The following ATP6V0D2 variants were observed in gnomAD, a reference collection of about 807,000 sequenced individuals.
ATP6V0D2 encodes the protein ATPase H+ transporting V0 subunit d2.
A neutral mutation model predicts 40.0 loss-of-function variants in ATP6V0D2; 40 were observed. That is an observed-to-expected ratio of 1.00 (90% CI 0.78 to 1.30). ATP6V0D2 has a LOEUF of 1.30. ATP6V0D2 is among the 50% of genes most tolerant of loss of function. The pLI is 0.00. For missense variants in ATP6V0D2, 470 were observed against 423.1 expected (o/e 1.11, Z -0.97); for synonymous variants, 179 against 156.3 (o/e 1.15, Z -1.08).
At chr8:86,116,507 ACAT>A (rs1818593264) in intron 2 of ATP6V0D2, among the ~76,000 whole-genome samples, 1 of 152,148 alleles carries the variant, frequency 6.6e-6, no homozygotes. Flanking sequence ...TGCCTGGAAA[ACAT>A]CATACTTTTT....
intron 1 of ATP6V0D2, among the ~76,000 whole-genome samples, chr8:86,111,996 T>C (rs920228883): frequency 2.0e-5 from 3 of 152,168 alleles, no homozygotes; most frequent in Non-Finnish European, 4.4e-5. Context: ...GGGTCTCCTG[T>C]AGTTGGCAGC....
intron 5 of ATP6V0D2, among the ~76,000 whole-genome samples, chr8:86,148,306 C>T (rs917272278): frequency 6.6e-6 from 1 of 152,152 alleles, no homozygotes; most frequent in African/African-American, 2.4e-5. Context: ...GACAGCTGCC[C>T]TTGCTTCCAC....
intron 2 of ATP6V0D2, among the ~76,000 whole-genome samples, chr8:86,129,832 C>T (rs1218055659): frequency 1.3e-5 from 2 of 149,836 alleles, no homozygotes; most frequent in East Asian, 3.9e-4. Context: ...AAAAAATTGA[C>T]CAGGCATGAT....
chr8:86,131,547 C>G (rs1818825578), intron 2 of ATP6V0D2, among the ~76,000 whole-genome samples: 1 of 151,922 alleles, frequency 6.6e-6, no homozygotes, highest in South Asian at 2.1e-4. Context: ...GTTGCCCAGG[C>G]TGGAGTGCAG....
At chr8:86,146,876 A>G (rs2129641385) in intron 5 of ATP6V0D2, among the ~76,000 whole-genome samples, 1 of 152,262 alleles carries the variant, frequency 6.6e-6, no homozygotes, top group East Asian at 1.9e-4. Context: ...CTTACTGTTT[A>G]TAGGTTCCAT....
intron 2 of ATP6V0D2, among the ~76,000 whole-genome samples, chr8:86,133,316 C>A (rs368256951): frequency 3.9e-5 from 3 of 77,292 alleles, no homozygotes; most frequent in East Asian, 4.5e-4. Context: ...AACAGAAAGT[C>A]TTTTTTTTTT....
Position 86,113,781 on chromosome 8 carries a change from C to T in ATP6V0D2, c.203C>T (p.Ser68Phe). ...LANHTNPLTV[S>F]KIDTEMRKRL... ...AATCACACAAATCCTCTTACTGTTT[C>T]CAAAATTGACACTGAGATGAGGAAA... Residue 68 changes from serine (S) to phenylalanine (F), a missense_variant, in exon 2 of 8, where the codon TCC (serine) becomes TTC (phenylalanine). Transcript: ENST00000285393. 6.2e-7 allele frequency: 1 copy of T among 1,613,822 alleles called. No individual in the cohort carries two copies. Among genetic ancestry groups the T allele is most frequent in the Non-Finnish European group, 8.5e-7 (1 of 1,179,836 alleles).
At chr8:86,131,360 C>T (rs1245168660) in intron 2 of ATP6V0D2, among the ~76,000 whole-genome samples, 1 of 151,788 alleles carries the variant, frequency 6.6e-6, no homozygotes, top group Non-Finnish European at 1.5e-5. Flanking sequence ...CCAACACGCT[C>T]AGCTAATTTT....
At position 86,150,092 on chromosome 8, in the gene ATP6V0D2, G is replaced by A; in HGVS notation, c.640-20G>A. The A allele has an allele frequency of 1.2e-6, 2 of 1,605,608 alleles. No homozygotes were observed. Among genetic ancestry groups the A allele is most frequent in the Non-Finnish European group, 1.7e-6 (2 of 1,174,948 alleles). ...TTTAGCAGTTTATTAGATTTTACTG[G>A]TTTTGTCTTGCAAATTCAGTTTGAG... On this transcript the variant is annotated intron_variant, in intron 5 of 7. Transcript: ENST00000285393.
intron 2 of ATP6V0D2, among the ~76,000 whole-genome samples, chr8:86,129,982 G>GAAAAA (rs869058078): frequency 7.6e-4 from 70 of 91,790 alleles, no homozygotes; most frequent in Admixed American, 1.0e-3. Context: ...GTCTCGAAAA[G>GAAAAA]AAAAAAAAAA....
chr8:86,115,358 A>ATTTTTTTTTTTTTTTTTTTTTTTT (rs564384965), intron 2 of ATP6V0D2, among the ~76,000 whole-genome samples: 2 of 73,278 alleles, frequency 2.7e-5, no homozygotes, highest in African/African-American at 1.1e-4. Flanking sequence ...CGTATCATCC[A>ATTTTTTTTTTTTTTTTTTTTTTTT]TTTTTTTTTT....
chr8:86,138,272 G>C, intron 2 of ATP6V0D2, among the ~76,000 whole-genome samples: 1 of 152,168 alleles, frequency 6.6e-6, no homozygotes, highest in African/African-American at 2.4e-5. Flanking sequence ...CTACTTGACT[G>C]TCATTTCTCT....
chr8:86,151,573 T>C, intron 7 of ATP6V0D2, 33 bp downstream of exon 7: 1 of 1,518,462 alleles, frequency 6.6e-7, no homozygotes, highest in Non-Finnish European at 9.0e-7. Context: ...ATTAGCTTAT[T>C]TTTCTCTTAC....
chr8:86,130,828 G>C (rs375873039), intron 2 of ATP6V0D2, among the ~76,000 whole-genome samples: 1 of 151,978 alleles, frequency 6.6e-6, no homozygotes. Context: ...GGGAAGCCTC[G>C]GAGCATGTCT....
In ATP6V0D2 at chr8:86,098,969, C is replaced by T; in HGVS notation, c.-10C>T. 1 of 1,612,786 alleles carries T rather than the reference C, an allele frequency of 6.2e-7. No individual in the cohort carries two copies. Among genetic ancestry groups the T allele is most frequent in the Non-Finnish European group, 8.5e-7 (1 of 1,179,484 alleles). On this transcript the variant is annotated 5_prime_UTR_variant, in exon 1 of 8. Coordinates refer to ENST00000285393, the MANE Select transcript of ATP6V0D2 (RefSeq NM_152565.1). ...TGTTTCACCCTACCTTGGCTTCAAT[C>T]TCTTCCCCCATGCTCGAAGGTGCGG...
chr8:86,153,182 A>G lies in ATP6V0D2; in HGVS notation c.*205A>G, dbSNP rs1819181220. ...TTCAGTGGTATTAGATCTTGTTTCC[A>G]CATGTCTGTCTCATTCTTCACTGGG... On this transcript the variant is annotated 3_prime_UTR_variant, in exon 8 of 8. Transcript: ENST00000285393. 2.6e-6 allele frequency: 1 copy of G among 391,396 alleles called. No homozygotes were observed. Among genetic ancestry groups the G allele is most frequent in the East Asian group, 4.2e-5 (1 of 23,996 alleles). The allele number at this position is 391,396 out of a possible 1,614,324, so 24.2% of individuals were successfully genotyped here. A position where few individuals can be genotyped will look rare whatever the true frequency, so the allele number is the denominator to read the frequency against.
intron 1 of ATP6V0D2, among the ~76,000 whole-genome samples, chr8:86,112,521 A>G (rs1458332320): frequency 3.9e-5 from 6 of 152,212 alleles, no homozygotes; most frequent in African/African-American, 1.4e-4. Flanking sequence ...TAAAATTGCC[A>G]TGAGTATTAA....
chr8:86,143,533 C>T (rs753405211), intron 5 of ATP6V0D2, among the ~76,000 whole-genome samples: 92 of 152,144 alleles, frequency 6.0e-4, no homozygotes, highest in Admixed American at 2.8e-3. Flanking sequence ...GGGTAACTTC[C>T]TGACATTGCC....
intron 2 of ATP6V0D2, among the ~76,000 whole-genome samples, chr8:86,127,456 GC>G (rs1425634307): frequency 6.7e-6 from 1 of 148,310 alleles, no homozygotes; most frequent in Non-Finnish European, 1.5e-5. Context: ...CCCCTGAAAT[GC>G]TTTTTTTTTT....
Sources: allele counts gnomAD v4.1 joint callset (sites outside exome capture counted in the v4.1 genomes callset), GRCh38; gene constraint gnomAD v4.1.1; transcripts MANE v1.5; gene names NCBI Gene and HGNC (gene_info 2026-07-23, HGNC 2026-07-21).